Variants in PDE10A observed in about 807,000 individuals in gnomAD.
PDE10A encodes cAMP and cAMP-inhibited cGMP 3',5'-cyclic phosphodiesterase 10A.
A neutral mutation model predicts 97.7 loss-of-function variants in PDE10A; 39 were observed. The ratio of observed to expected loss-of-function variants is 0.40; its 90% CI spans 0.31 to 0.52. The LOEUF (loss-of-function observed/expected upper bound fraction) is 0.52. Among genes scored for constraint, PDE10A ranks in the 20% least tolerant of loss-of-function variants. PDE10A has a pLI of 0.56. For synonymous variants in PDE10A, 371 were observed against 376.8 expected (o/e 0.98, Z 0.18); for missense variants, 731 against 1,047.8 (o/e 0.70, Z 4.17).
chr6:165,457,133 T>C (rs1421259324), intron 3 of PDE10A, among the ~76,000 whole-genome samples: 1 of 152,170 alleles, frequency 6.6e-6, no homozygotes, highest in Non-Finnish European at 1.5e-5. Flanking sequence ...AAGGAATCAA[T>C]TTCTATTTAA....
intron 1 of PDE10A, among the ~76,000 whole-genome samples, chr6:165,788,321 C>T (rs1045907412): frequency 2.6e-5 from 4 of 151,730 alleles, no homozygotes; most frequent in African/African-American, 7.3e-5. Flanking sequence ...AGTTGGAGGC[C>T]ACCCTGACCA....
intron 1 of PDE10A, among the ~76,000 whole-genome samples, chr6:165,933,258 C>T (rs1034847937): frequency 2.0e-5 from 3 of 152,138 alleles, no homozygotes; most frequent in African/African-American, 7.2e-5. Flanking sequence ...GAAGGTGAAA[C>T]ATCGCAGTTT....
chr6:165,914,665 C>A (rs1204456072), intron 1 of PDE10A, among the ~76,000 whole-genome samples: 1 of 152,208 alleles, frequency 6.6e-6, no homozygotes, highest in Admixed American at 6.5e-5. Context: ...TCGGGCAGTT[C>A]TTCCTTTCCC....
chr6:165,740,340 GAGA>G (rs1792689150), intron 1 of PDE10A, among the ~76,000 whole-genome samples: 2 of 149,616 alleles, frequency 1.3e-5, no homozygotes, highest in African/African-American at 4.9e-5. Flanking sequence ...GAGAGAGAGA[GAGA>G]GAGGAGAGAT....
intron 1 of PDE10A, chr6:165,940,146 A>T (rs56386360): frequency 6.6e-6 from 1 of 152,132 alleles, no homozygotes; most frequent in African/African-American, 2.4e-5. Context: ...TTATTCCAGA[A>T]TTTTTTACTA....
upstream of PDE10A, among the ~76,000 whole-genome samples, chr6:165,663,554 C>T (rs1374289022): frequency 6.6e-6 from 1 of 152,246 alleles, no homozygotes; most frequent in East Asian, 1.9e-4. Context: ...GGGCCAGCAG[C>T]TCCGACCCAG....
intron 13 of PDE10A, among the ~76,000 whole-genome samples, chr6:165,405,004 T>C (rs1282469430): frequency 6.6e-6 from 1 of 151,714 alleles, no homozygotes; most frequent in Non-Finnish European, 1.5e-5. Context: ...CCATAGAGAG[T>C]TCTTTCATGC....
At chr6:165,632,029 T>A (rs1404527428) in intron 1 of PDE10A, among the ~76,000 whole-genome samples, 2 of 151,588 alleles carry the variant, frequency 1.3e-5, no homozygotes, top group Non-Finnish European at 2.9e-5. Flanking sequence ...GGTGAAACTC[T>A]GCCTTTACTA....
intron 1 of PDE10A, among the ~76,000 whole-genome samples, chr6:165,855,860 T>C (rs1344618407): frequency 6.6e-6 from 1 of 152,100 alleles, no homozygotes; most frequent in African/African-American, 2.4e-5. Flanking sequence ...GGAGGAAACG[T>C]CGGAAGTGTC....
chr6:165,639,701 T>C (rs112848734), intron 1 of PDE10A, among the ~76,000 whole-genome samples: 3,449 of 144,616 alleles, frequency 0.024, 127 homozygotes, highest in East Asian at 0.09. Flanking sequence ...GTTGCACCAT[T>C]GCACTCCAGC....
chr6:165,917,443 G>A (rs879285588), intron 1 of PDE10A, among the ~76,000 whole-genome samples: 5 of 152,084 alleles, frequency 3.3e-5, no homozygotes, highest in African/African-American at 9.7e-5. Context: ...AAAGAACCAG[G>A]GAGATAAAAT....
chr6:165,395,363 G>C (rs180715976), intron 14 of PDE10A, 99 bp from the exon 15 acceptor site: 2 of 743,314 alleles, frequency 2.7e-6, no homozygotes, highest in Admixed American at 4.7e-5. Flanking sequence ...GAGCTAAAAA[G>C]ACACTGGGAG....
intron 16 of PDE10A, among the ~76,000 whole-genome samples, chr6:165,390,876 T>C (rs1562413758): frequency 6.6e-6 from 1 of 152,194 alleles, no homozygotes; most frequent in Non-Finnish European, 1.5e-5. Context: ...ATGTTAACAA[T>C]CATACTCGCC....
At chr6:165,889,553 G>A (rs2128481895) in intron 1 of PDE10A, among the ~76,000 whole-genome samples, 1 of 152,230 alleles carries the variant, frequency 6.6e-6, no homozygotes, top group African/African-American at 2.4e-5. Context: ...CGTCATTGAG[G>A]GGATATGTTA....
chr6:165,330,584 A>C lies in PDE10A; in HGVS notation c.*2441T>G, dbSNP rs1407951238. 3.9e-5 allele frequency: 6 copies of C among 152,176 alleles called. No homozygotes were observed. The highest frequency in any genetic ancestry group is 8.8e-5 in the Non-Finnish European group (6 of 68,000). 9.4% of individuals were successfully genotyped at this position (152,176 alleles called of 1,614,324 possible). On this transcript the variant is annotated 3_prime_UTR_variant, in exon 22 of 22. Coordinates refer to ENST00000539869, the MANE Select transcript of PDE10A (RefSeq NM_001385079.1). ...GCTTCTATTATGACAATATTTCACA[A>C]GAAATTAACCAACCAGTAAATCCAA...
Position 165,656,311 on chromosome 6 carries a change from A to G in PDE10A, c.865+5636T>C, listed in dbSNP as rs371305012. On this transcript the variant is annotated intron_variant, in intron 1 of 21. Coordinates refer to ENST00000539869, the MANE Select transcript of PDE10A (RefSeq NM_001385079.1). ...ACACACACACACCTTTCCAATCCAG[A>G]AACTAAGGAGTCAGATGTCTCCTGC... Among the ~76,000 whole-genome samples, 3 of 149,698 alleles carry G rather than the reference A, an allele frequency of 2.0e-5. No individual in the cohort carries two copies. In the East Asian group the frequency reaches 6.0e-4, roughly 30 times the overall value.
At chr6:165,696,909 TCAG>T (rs1791456520) in intron 1 of PDE10A, among the ~76,000 whole-genome samples, 1 of 152,032 alleles carries the variant, frequency 6.6e-6, no homozygotes, top group African/African-American at 2.4e-5. Context: ...AATAAAAAAT[TCAG>T]CAGAAGGACT....
At chr6:165,663,537 T>G (rs535704953), upstream of PDE10A, among the ~76,000 whole-genome samples, 8 of 152,338 alleles carry the variant, frequency 5.3e-5, no homozygotes, top group African/African-American at 1.9e-4. Context: ...GGAATCCTCC[T>G]GGTAGCGGGC....
At chr6:165,729,461 C>T (rs1444558434) in intron 1 of PDE10A, among the ~76,000 whole-genome samples, 1 of 152,070 alleles carries the variant, frequency 6.6e-6, no homozygotes, top group Non-Finnish European at 1.5e-5. Context: ...ATACTAAGGA[C>T]AGCAGTGAAA....
Sources: gnomAD v4.1 joint callset for allele counts (sites outside exome capture counted in the v4.1 genomes callset) on GRCh38, gnomAD v4.1.1 for gene constraint, MANE v1.5 for transcripts, NCBI Gene and HGNC (gene_info 2026-07-23, HGNC 2026-07-21) for gene names.